Variants in NPAS3 observed in about 807,000 individuals in gnomAD.
NPAS3 encodes neuronal PAS domain protein 3.
NPAS3 carries 14 observed loss-of-function variants against 73.1 expected under a neutral mutation model. The observed-to-expected ratio is 0.19, with a 90% confidence interval of 0.13 to 0.30. The LOEUF (loss-of-function observed/expected upper bound fraction) is 0.30. Ranked by LOEUF, NPAS3 falls within the 10% of genes least tolerant of loss-of-function variation. NPAS3 has a pLI of 1.00. For synonymous variants in NPAS3, 620 were observed against 541.5 expected (o/e 1.14, Z -2.01); for missense variants, 1,096 against 1,250.0 (o/e 0.88, Z 1.86).
chr14:33,060,634 C>T (rs2138569966), intron 2 of NPAS3, among the ~76,000 whole-genome samples: 1 of 152,278 alleles, frequency 6.6e-6, no homozygotes, highest in African/African-American at 2.4e-5. Flanking sequence ...CCTTTTTCTC[C>T]TTTGTGAAAT....
intron 4 of NPAS3, among the ~76,000 whole-genome samples, chr14:33,522,751 A>G (rs2053612985): frequency 6.6e-6 from 1 of 152,146 alleles, no homozygotes; most frequent in East Asian, 1.9e-4. Flanking sequence ...ATGTATTACC[A>G]CCATGTACAC....
intron 4 of NPAS3, among the ~76,000 whole-genome samples, chr14:33,370,201 C>T (rs147575931): frequency 5.7e-4 from 86 of 152,144 alleles, no homozygotes; most frequent in East Asian, 5.1e-3. Flanking sequence ...GAAAGAGGAA[C>T]TAGGAGGTTG....
intron 3 of NPAS3, among the ~76,000 whole-genome samples, chr14:33,343,169 A>C (rs966534892): frequency 6.6e-6 from 1 of 152,108 alleles, no homozygotes; most frequent in African/African-American, 2.4e-5. Flanking sequence ...GAATCCACAC[A>C]TCCCTAGGAT....
intron 4 of NPAS3, among the ~76,000 whole-genome samples, chr14:33,484,624 A>C (rs1595000817): frequency 6.6e-6 from 1 of 152,202 alleles, no homozygotes; most frequent in African/African-American, 2.4e-5. Context: ...AGAGATGTGG[A>C]TTTCAAAGTA....
At chr14:33,489,674 G>T (rs907183568) in intron 4 of NPAS3, among the ~76,000 whole-genome samples, 1 of 152,122 alleles carries the variant, frequency 6.6e-6, no homozygotes, top group Non-Finnish European at 1.5e-5. Context: ...ACAATATTTT[G>T]TGCTACATTT....
chr14:33,006,786 A>G (rs1253283734), intron 1 of NPAS3, among the ~76,000 whole-genome samples: 3 of 152,202 alleles, frequency 2.0e-5, no homozygotes, highest in African/African-American at 7.2e-5. Flanking sequence ...TTGAAAAAAC[A>G]TTTATGTCGG....
At chr14:33,756,996 T>C (rs1246859043) in intron 7 of NPAS3, among the ~76,000 whole-genome samples, 1 of 152,162 alleles carries the variant, frequency 6.6e-6, no homozygotes, top group African/African-American at 2.4e-5. Context: ...TTTCCACTGA[T>C]GGTGGGGCAT....
intron 1 of NPAS3, among the ~76,000 whole-genome samples, chr14:32,994,790 C>G (rs900165855): frequency 3.3e-5 from 5 of 152,106 alleles, no homozygotes; most frequent in African/African-American, 1.2e-4. Context: ...TGCCACCATA[C>G]TCAGCTAATT....
intron 1 of NPAS3, among the ~76,000 whole-genome samples, chr14:33,022,537 A>C (rs1050477428): frequency 5.9e-5 from 9 of 151,990 alleles, no homozygotes; most frequent in East Asian, 1.9e-4. Flanking sequence ...TGGTGGCGGG[A>C]GCCTGTAGTC....
At chr14:33,404,978 C>A (rs1285154647) in intron 4 of NPAS3, among the ~76,000 whole-genome samples, 4 of 152,096 alleles carry the variant, frequency 2.6e-5, no homozygotes, top group Non-Finnish European at 5.9e-5. Flanking sequence ...GTAATGCTTG[C>A]ATCTTTCCTT....
At chr14:33,459,405 G>A (rs2050159674) in intron 4 of NPAS3, among the ~76,000 whole-genome samples, 2 of 152,220 alleles carry the variant, frequency 1.3e-5, no homozygotes, top group South Asian at 2.1e-4. Context: ...AATGTAAGGT[G>A]TTGTTATTGA....
At chr14:32,980,357 G>A (rs1354237756) in intron 1 of NPAS3, among the ~76,000 whole-genome samples, 2 of 152,002 alleles carry the variant, frequency 1.3e-5, no homozygotes, top group African/African-American at 4.8e-5. Flanking sequence ...AGGTACTAAC[G>A]CACTACATTT....
chr14:33,010,462 T>C (rs1194804357), intron 1 of NPAS3, among the ~76,000 whole-genome samples: 2 of 152,348 alleles, frequency 1.3e-5, no homozygotes, highest in African/African-American at 4.8e-5. Context: ...TACTTACAAA[T>C]ACAATAAGCT....
chr14:33,174,204 G>A (rs762604032), intron 2 of NPAS3, among the ~76,000 whole-genome samples: 44 of 152,238 alleles, frequency 2.9e-4, no homozygotes, highest in South Asian at 6.2e-4. Context: ...TGCAGATGCC[G>A]TTTAGCCATC....
At chr14:33,464,936 G>T (rs2050441429) in intron 4 of NPAS3, among the ~76,000 whole-genome samples, 1 of 152,118 alleles carries the variant, frequency 6.6e-6, no homozygotes, top group South Asian at 2.1e-4. Context: ...GTTAGCTGTT[G>T]TTATCGTCAT....
At chr14:33,326,242 T>C (rs1028679901) in intron 3 of NPAS3, among the ~76,000 whole-genome samples, 1 of 151,724 alleles carries the variant, frequency 6.6e-6, no homozygotes, top group Admixed American at 6.6e-5. Context: ...AAAGCTATAG[T>C]GAAAGGGAAA....
chr14:33,375,144 G>A (rs1319909537), intron 4 of NPAS3, among the ~76,000 whole-genome samples: 1 of 152,146 alleles, frequency 6.6e-6, no homozygotes, highest in African/African-American at 2.4e-5. Context: ...AATAATAGGA[G>A]CATTTTGAAT....
upstream of NPAS3, among the ~76,000 whole-genome samples, chr14:32,938,513 G>GAA: frequency 8.2e-6 from 1 of 122,124 alleles, no homozygotes; most frequent in Non-Finnish European, 1.8e-5. Context: ...GAGAGAGAGA[G>GAA]AGAGAGAGAG....
At chr14:33,559,558 C>A (rs2055533462) in intron 4 of NPAS3, among the ~76,000 whole-genome samples, 1 of 152,152 alleles carries the variant, frequency 6.6e-6, no homozygotes, top group Non-Finnish European at 1.5e-5. Flanking sequence ...ATCAGCATGA[C>A]CTTATTTTGT....
Sources: allele counts gnomAD v4.1 joint callset (sites outside exome capture counted in the v4.1 genomes callset), GRCh38; gene constraint gnomAD v4.1.1; transcripts MANE v1.5; gene names NCBI Gene and HGNC (gene_info 2026-07-23, HGNC 2026-07-21).